The following VPS13B variants were observed in gnomAD, a reference collection of about 807,000 sequenced individuals.
VPS13B encodes the protein vacuolar protein sorting 13 homolog B, also known as intermembrane lipid transfer protein VPS13B.
VPS13B carries 285 observed loss-of-function variants against 426.4 expected under a neutral mutation model. That is an observed-to-expected ratio of 0.67 (90% CI 0.61 to 0.74). The LOEUF (loss-of-function observed/expected upper bound fraction) is 0.74, where lower values mean the gene tolerates loss of function less well. Among genes scored for constraint, VPS13B ranks in the 30% least tolerant of loss-of-function variants. The pLI is 0.00. For synonymous variants in VPS13B, 1,676 were observed against 1,676.4 expected (o/e 1.00, Z 0.01); for missense variants, 4,537 against 4,782.6 (o/e 0.95, Z 1.51).
rs1273691135 is a variant in VPS13B at position 99,121,438 on chromosome 8, C to T, written c.1199C>T (p.Thr400Ile). The change falls in exon 8 of 62, where the codon ACT (threonine) becomes ATT (isoleucine). Residue 400 changes from threonine to isoleucine, a missense_variant. Thr to Ile is a moderately conservative substitution (Grantham distance 89). This residue lies in a region of VPS13B where 4,311 missense variants were observed against 4,474.3 expected (regional missense o/e 0.96). Coordinates refer to ENST00000357162, the MANE Select transcript of VPS13B (RefSeq NM_152564.5). ...TTTTATTGCACAAAGGCAACGGTGA[C>T]TTTCAAAGTAGGTCTTTTCTCTTGC... ...IGFYCTKATV[T>I]FKLTEMQVES... 3 of 1,614,150 alleles carry T rather than the reference C, an allele frequency of 1.9e-6. No homozygotes were observed. Among genetic ancestry groups the T allele is most frequent in the Non-Finnish European group, 2.5e-6 (3 of 1,180,020 alleles).
chr8:99,647,864 G>A (rs968556881), intron 34 of VPS13B, among the ~76,000 whole-genome samples: 7 of 152,024 alleles, frequency 4.6e-5, no homozygotes, highest in Non-Finnish European at 4.4e-5. Context: ...CTAGAAAGAT[G>A]GAAATACTTT....
chr8:99,683,951 A>T (rs1831264442), intron 35 of VPS13B, among the ~76,000 whole-genome samples: 1 of 152,168 alleles, frequency 6.6e-6, no homozygotes, highest in Non-Finnish European at 1.5e-5. Context: ...TTTCTTCATA[A>T]TTATGATGTT....
chr8:99,228,771 G>A (rs1816159505), intron 17 of VPS13B, among the ~76,000 whole-genome samples: 1 of 152,024 alleles, frequency 6.6e-6, no homozygotes, highest in South Asian at 2.1e-4. Flanking sequence ...CCTTTAATAG[G>A]GAAACAGATA....
chr8:99,428,847 A>C (rs1409671006), intron 21 of VPS13B, among the ~76,000 whole-genome samples: 1 of 152,196 alleles, frequency 6.6e-6, no homozygotes, highest in East Asian at 1.9e-4. Flanking sequence ...TTATTGCGGC[A>C]CTATTCACAA....
intron 30 of VPS13B, among the ~76,000 whole-genome samples, chr8:99,542,453 T>A (rs2133730199): frequency 6.6e-6 from 1 of 152,092 alleles, no homozygotes; most frequent in South Asian, 2.1e-4. Flanking sequence ...ATAGGCCAGG[T>A]AGAGGAAAAG....
At chr8:99,062,368 C>T (rs779652704) in intron 3 of VPS13B, among the ~76,000 whole-genome samples, 60 of 152,234 alleles carry the variant, frequency 3.9e-4, no homozygotes, top group Admixed American at 2.2e-3. Context: ...ATTAGATATG[C>T]CTTTACAAAA....
At chr8:99,183,697 T>G (rs890007169) in intron 16 of VPS13B, among the ~76,000 whole-genome samples, 6 of 152,096 alleles carry the variant, frequency 3.9e-5, no homozygotes, top group Non-Finnish European at 2.9e-5. Flanking sequence ...TTTTCATAAA[T>G]GTAGTATTGA....
chr8:99,873,160 C>T (rs1047581444), intron 61 of VPS13B: 3 of 152,166 alleles, frequency 2.0e-5, no homozygotes, highest in African/African-American at 7.2e-5. Context: ...CATCATGATT[C>T]CTTAGCTGCT....
At chr8:99,210,952 G>A (rs774945747) in intron 17 of VPS13B, among the ~76,000 whole-genome samples, 2 of 152,012 alleles carry the variant, frequency 1.3e-5, no homozygotes, top group Non-Finnish European at 2.9e-5. Context: ...GGCGTTCTTG[G>A]GCTAGGAAAT....
intron 3 of VPS13B, among the ~76,000 whole-genome samples, chr8:99,066,072 C>A (rs1404037091): frequency 1.3e-5 from 2 of 152,220 alleles, no homozygotes; most frequent in East Asian, 3.8e-4. Context: ...AATGGCCATA[C>A]TGCTCAAGGT....
chr8:99,860,855 A>G (rs1588796277), intron 57 of VPS13B, among the ~76,000 whole-genome samples: 1 of 152,224 alleles, frequency 6.6e-6, no homozygotes, highest in Non-Finnish European at 1.5e-5. Context: ...CGGCTCTCAC[A>G]TGATTTACTC....
chr8:99,436,144 T>A (rs1176124357), intron 22 of VPS13B, among the ~76,000 whole-genome samples: 1 of 152,174 alleles, frequency 6.6e-6, no homozygotes, highest in Non-Finnish European at 1.5e-5. Flanking sequence ...ATGCTTAGAA[T>A]TTTGAGGAGC....
intron 33 of VPS13B, among the ~76,000 whole-genome samples, chr8:99,633,229 T>G (rs1828920597): frequency 6.6e-6 from 1 of 152,012 alleles, no homozygotes; most frequent in South Asian, 2.1e-4. Context: ...CAATAGAAAT[T>G]TCTCCAAGTT....
rs1172282253 is a variant in VPS13B at position 99,699,842 on chromosome 8, A to G, written c.6364A>G (p.Thr2122Ala). 2 of 1,613,850 alleles carry G rather than the reference A, an allele frequency of 1.2e-6. No individual in the cohort carries two copies. Among genetic ancestry groups the G allele is most frequent in the Admixed American group, 1.7e-5 (1 of 59,970 alleles). Reference sequence around the variant, plus strand: ...TACTCAGATTGTGATCTCCATGGAAACTGTACCCCATACCAGCAAACCATG... The same window carrying G: ...TACTCAGATTGTGATCTCCATGGAAGCTGTACCCCATACCAGCAAACCATG... Reference protein sequence around the residue: ...QTTQIVISMETVPHTSKPCLL... With the variant: ...QTTQIVISMEAVPHTSKPCLL... Residue 2122 changes from threonine to alanine, a missense_variant, in exon 36 of 62, where the codon ACT (threonine) becomes GCT (alanine). Physicochemically the swap from Thr to Ala is moderately conservative, Grantham distance 58. Coordinates refer to ENST00000357162, the MANE Select transcript of VPS13B (RefSeq NM_152564.5).
chr8:99,530,563 G>A (rs994251678), intron 30 of VPS13B, among the ~76,000 whole-genome samples: 3 of 149,824 alleles, frequency 2.0e-5, no homozygotes, highest in African/African-American at 7.4e-5. Context: ...GCAGTGAGCC[G>A]AGATCATGCC....
chr8:99,639,668 A>G (rs1167544739), intron 33 of VPS13B, among the ~76,000 whole-genome samples: 1 of 148,734 alleles, frequency 6.7e-6, no homozygotes, highest in African/African-American at 2.4e-5. Flanking sequence ...ATTATTATAT[A>G]TAAAAATATG....
At chr8:99,813,549 T>C (rs1238692072) in intron 44 of VPS13B, among the ~76,000 whole-genome samples, 1 of 152,244 alleles carries the variant, frequency 6.6e-6, no homozygotes, top group Non-Finnish European at 1.5e-5. Flanking sequence ...CCCTAGCATA[T>C]GCTAAAGAAA....
intron 21 of VPS13B, among the ~76,000 whole-genome samples, chr8:99,409,605 G>T (rs886912623): frequency 6.6e-6 from 1 of 152,098 alleles, no homozygotes; most frequent in Admixed American, 6.6e-5. Flanking sequence ...TAGGCCTGGG[G>T]TTTTTCTTTG....
intron 39 of VPS13B, among the ~76,000 whole-genome samples, chr8:99,765,107 G>A (rs960791748): frequency 4.6e-5 from 7 of 152,118 alleles, no homozygotes; most frequent in African/African-American, 1.7e-4. Flanking sequence ...TTAGCTGGGC[G>A]TGATGGTGCA....
Sources: allele counts gnomAD v4.1 joint callset (sites outside exome capture counted in the v4.1 genomes callset), GRCh38; gene constraint gnomAD v4.1.1; regional missense constraint gnomAD v4.1.1; transcripts MANE v1.5; gene names NCBI Gene and HGNC (gene_info 2026-07-23, HGNC 2026-07-21).